Variants in PREX1 observed in about 807,000 individuals in gnomAD.
PREX1 encodes phosphatidylinositol 3,4,5-trisphosphate-dependent Rac exchanger 1 protein.
A neutral mutation model predicts 198.3 loss-of-function variants in PREX1; 41 were observed. That is an observed-to-expected ratio of 0.21 (90% confidence interval 0.16 to 0.27). The LOEUF (loss-of-function observed/expected upper bound fraction) is 0.27. Ranked by LOEUF, PREX1 falls within the 10% of genes least tolerant of loss-of-function variation. The pLI, the probability that PREX1 is intolerant of heterozygous loss-of-function variation, is 1.00. For missense variants in PREX1, 1,620 were observed against 2,200.7 expected (o/e 0.74, Z 5.28); for synonymous variants, 843 against 887.2 (o/e 0.95, Z 0.89).
Position 48,666,271 on chromosome 20 carries a change from G to C in PREX1, c.1738+12C>G. 6.4e-7 allele frequency: 1 copy of C among 1,556,880 alleles called. No homozygotes were observed. On this transcript the variant is annotated intron_variant, in intron 15 of 39. Transcript: ENST00000371941. This position sits in a 1 kb window ranked among gnomAD's most constrained non-coding sequence, Gnocchi z 4.3. ...AGGTCCCGGGGGCTGGGCTGCAGGT[G>C]GGGGTGGTTACCGTGGTGCATGAAG...
At chr20:48,729,641 A>G (rs1462789079) in intron 4 of PREX1, among the ~76,000 whole-genome samples, 4 of 152,086 alleles carry the variant, frequency 2.6e-5, no homozygotes, top group Non-Finnish European at 5.9e-5. Flanking sequence ...CCTCTCGTTC[A>G]TTTATATCCA....
chr20:48,846,229 C>A, the PREX1 span, among the ~76,000 whole-genome samples: 1 of 152,166 alleles, frequency 6.6e-6, no homozygotes, highest in African/African-American at 2.4e-5. Flanking sequence ...GGCTGTGGTG[C>A]ATGTCCAGAA....
chr20:48,743,419 C>G (rs2090091279), intron 3 of PREX1, among the ~76,000 whole-genome samples: 1 of 152,136 alleles, frequency 6.6e-6, no homozygotes, highest in Non-Finnish European at 1.5e-5. Flanking sequence ...GGTGGGGTAA[C>G]CTCTTAGATG....
chr20:48,649,311 G>A lies in PREX1; in HGVS notation c.3294C>T (p.Thr1098=). Residue 1098 remains threonine, a synonymous_variant, in exon 25 of 40, where the codon ACC becomes ACT. Transcript: ENST00000371941. ...VALKEMKQYV[T]QINRLLSTIT... is the part of the protein sequence containing the mutation. ...CGGCCAGCGCTCACCTGTTGATCTG[G>A]GTGACATATTGCTTCATCTCCTTCA... is the stretch of plus-strand genomic sequence containing the variant. 6.2e-7 allele frequency: 1 copy of A among 1,613,586 alleles called. No individual in the cohort carries two copies. Among genetic ancestry groups the A allele is most frequent in the South Asian group, 1.1e-5 (1 of 91,058 alleles).
intron 3 of PREX1, among the ~76,000 whole-genome samples, chr20:48,743,082 T>C (rs2090089883): frequency 6.6e-6 from 1 of 152,166 alleles, no homozygotes; most frequent in South Asian, 2.1e-4. Flanking sequence ...AGCTTGGTGC[T>C]GAGCCAGGTC....
chr20:48,630,351 A>G (rs572414740), intron 36 of PREX1, among the ~76,000 whole-genome samples: 3 of 152,244 alleles, frequency 2.0e-5, no homozygotes, highest in Non-Finnish European at 4.4e-5. Context: ...AAAAGCTGGA[A>G]GCCTCTGTTT....
chr20:48,712,642 G>A (rs547242299), intron 5 of PREX1, among the ~76,000 whole-genome samples: 4 of 152,328 alleles, frequency 2.6e-5, no homozygotes, highest in African/African-American at 9.6e-5. Context: ...AGTGGTAGGG[G>A]TAGGGAATTG....
chr20:48,769,066 G>A (rs1388546529), intron 1 of PREX1, among the ~76,000 whole-genome samples: 1 of 152,114 alleles, frequency 6.6e-6, no homozygotes, highest in Non-Finnish European at 1.5e-5. Context: ...CATCGTTCTG[G>A]CTTCAGGCAG....
intron 4 of PREX1, among the ~76,000 whole-genome samples, chr20:48,732,836 AAGG>A (rs1239343489): frequency 6.6e-6 from 1 of 152,072 alleles, no homozygotes; most frequent in African/African-American, 2.4e-5. Context: ...ACGCCCTGAA[AAGG>A]AGAAGGGTAT....
chr20:48,880,962 A>G, the PREX1 span, among the ~76,000 whole-genome samples: 1 of 149,164 alleles, frequency 6.7e-6, no homozygotes, highest in African/African-American at 2.5e-5. Context: ...ATATCTAAGC[A>G]AAGAGAGCAA....
intron 26 of PREX1, 130 bp from the exon 27 acceptor site, chr20:48,644,627 G>A: frequency 2.6e-6 from 2 of 771,488 alleles, no homozygotes; most frequent in Non-Finnish European, 2.0e-6. Context: ...GCCCAGAGAG[G>A]GCACCGAGCA....
intron 37 of PREX1, among the ~76,000 whole-genome samples, chr20:48,629,125 G>A (rs187694642): frequency 3.0e-4 from 45 of 152,282 alleles, no homozygotes; most frequent in Admixed American, 7.8e-4. Flanking sequence ...AGCCTCCAGT[G>A]AGGTCAGCAG....
chr20:48,638,008 C>A (rs1032591153), intron 30 of PREX1, among the ~76,000 whole-genome samples: 1 of 152,196 alleles, frequency 6.6e-6, no homozygotes, highest in African/African-American at 2.4e-5. Flanking sequence ...ATGGAACCAG[C>A]CCCTTTAATC....
chr20:48,737,717 T>C (rs2090063427), intron 3 of PREX1, among the ~76,000 whole-genome samples: 1 of 152,148 alleles, frequency 6.6e-6, no homozygotes, highest in African/African-American at 2.4e-5. Context: ...CGAGCTGGAA[T>C]CACTGGGAAG....
the PREX1 span, among the ~76,000 whole-genome samples, chr20:48,856,232 G>A: frequency 1.3e-5 from 2 of 152,240 alleles, no homozygotes; most frequent in African/African-American, 4.8e-5. Flanking sequence ...AAACTAGGGT[G>A]AGGACAGCGG....
In PREX1 at chr20:48,801,938, T is replaced by C. The variant is rs6019427; in HGVS notation, c.219+25704A>G. On this transcript the variant is annotated intron_variant, in intron 1 of 39. Transcript: ENST00000371941. Reference sequence around the variant, plus strand: ...CCCTTGGGTTTTGTCTCTTCACTCATGTCTGCTTTCTCTCTGACCTTCTCT... The same window carrying C: ...CCCTTGGGTTTTGTCTCTTCACTCACGTCTGCTTTCTCTCTGACCTTCTCT... 1.6e-3 allele frequency among the ~76,000 whole-genome samples: 237 copies of C among 152,296 alleles called. 2 individuals are homozygous for C. The highest frequency in any genetic ancestry group is 5.3e-3 in the African/African-American group (220 of 41,564).
chr20:48,772,013 G>A lies in PREX1; in HGVS notation c.220-24133C>T, dbSNP rs1470922064. Reference sequence around the variant, plus strand: ...GTTCGAGACCACCCTGGCCAACATGGTGAAATCCCATCTCTACTAAAAATA... The same window carrying A: ...GTTCGAGACCACCCTGGCCAACATGATGAAATCCCATCTCTACTAAAAATA... On this transcript the variant is annotated intron_variant, in intron 1 of 39. Coordinates refer to ENST00000371941, the MANE Select transcript of PREX1 (RefSeq NM_020820.4). 4.6e-5 allele frequency among the ~76,000 whole-genome samples: 7 copies of A among 152,054 alleles called. No individual in the cohort carries two copies. The East Asian group carries it at 1.4e-3, about 29-fold the overall frequency.
At position 48,811,183 on chromosome 20, in the gene PREX1, T is replaced by TA. The variant is rs571243221; in HGVS notation, c.219+16458_219+16459insT. Among the ~76,000 whole-genome samples, 16 of 149,214 alleles carry TA rather than the reference T, an allele frequency of 1.1e-4. No homozygotes were observed. In the South Asian group the frequency reaches 3.0e-3, roughly 28 times the overall value. On this transcript the variant is annotated intron_variant, in intron 1 of 39. Transcript: ENST00000371941. ...TTGCTGGCAAGTAAATAACAATTTTTTTTTTATTATTATTAAACATGGGGT... is the reference window on the plus strand; with the variant it reads ...TTGCTGGCAAGTAAATAACAATTTTTATTTTTATTATTATTAAACATGGGGT...
Position 48,692,739 on chromosome 20 carries a change from G to A in PREX1, c.969C>T (p.Ser323=). The A allele has an allele frequency of 6.2e-7, 1 of 1,614,054 alleles. No individual in the cohort carries two copies. Among genetic ancestry groups the A allele is most frequent in the South Asian group, 1.1e-5 (1 of 91,054 alleles). ...STKRTKSING[S]LYIFRGRINT... ...TGATTCGACCCCTGAAGATGTAGAG[G>A]GAGCCGTTGATGGATTTGGTCCTCT... The change falls in exon 8 of 40, where the codon TCC becomes TCT. Residue 323 remains serine (S), a synonymous_variant. Coordinates refer to ENST00000371941, the MANE Select transcript of PREX1 (RefSeq NM_020820.4).
Sources: gnomAD v4.1 joint callset for allele counts (sites outside exome capture counted in the v4.1 genomes callset) on GRCh38, gnomAD v4.1.1 for gene constraint, Gnocchi (gnomAD v3.1) non-coding constraint, MANE v1.5 for transcripts, NCBI Gene and HGNC (gene_info 2026-07-23, HGNC 2026-07-21) for gene names.